The following PTPN5 variants were observed in gnomAD, a reference collection of about 807,000 sequenced individuals.
PTPN5 encodes protein tyrosine phosphatase non-receptor type 5, also known as tyrosine-protein phosphatase non-receptor type 5.
A neutral mutation model predicts 73.9 loss-of-function variants in PTPN5; 29 were observed. That is an observed-to-expected ratio of 0.39 (90% CI 0.29 to 0.54). The LOEUF (loss-of-function observed/expected upper bound fraction) is 0.54, where lower values mean the gene tolerates loss of function less well. Ranked by LOEUF, PTPN5 falls within the 20% of genes least tolerant of loss-of-function variation. The pLI is 0.65. For synonymous variants in PTPN5, 267 were observed against 304.7 expected (o/e 0.88, Z 1.29); for missense variants, 652 against 751.4 (o/e 0.87, Z 1.55).
chr11:18,742,554 C>A lies in PTPN5; in HGVS notation c.484-51G>T, dbSNP rs771510518. On this transcript the variant is annotated intron_variant, in intron 6 of 14. Transcript: ENST00000358540. The surrounding 1 kb of genome is among the most constrained non-coding windows in gnomAD (Gnocchi z 4.1). ...ATTTCGGACCACGCTGGCTGCCCCC[C>A]GTGTTCCTGGAGTGCCCATGGGATT... 1.3e-6 allele frequency: 2 copies of A among 1,598,486 alleles called. No individual in the cohort carries two copies. Among genetic ancestry groups the A allele is most frequent in the Non-Finnish European group, 1.7e-6 (2 of 1,175,188 alleles).
intron 3 of PTPN5, among the ~76,000 whole-genome samples, chr11:18,755,425 T>C (rs916457234): frequency 5.9e-5 from 9 of 152,210 alleles, no homozygotes; most frequent in African/African-American, 2.2e-4. Context: ...TTGGGGGTAA[T>C]TTGTTATGTA....
chr11:18,745,674 TCAG>T (rs1296460346), intron 3 of PTPN5, among the ~76,000 whole-genome samples: 2 of 151,630 alleles, frequency 1.3e-5, no homozygotes, highest in Admixed American at 6.6e-5. Flanking sequence ...ATCATCATCA[TCAG>T]CAGCAGCAGC....
At chr11:18,773,424 T>C (rs1415071539) in intron 1 of PTPN5, among the ~76,000 whole-genome samples, 3 of 151,980 alleles carry the variant, frequency 2.0e-5, no homozygotes, top group Admixed American at 6.6e-5. Context: ...ACTGAGTGCA[T>C]AGAGAGGGCT....
chr11:18,764,170 T>C (rs906550371), intron 3 of PTPN5, among the ~76,000 whole-genome samples: 2 of 152,232 alleles, frequency 1.3e-5, no homozygotes, highest in Non-Finnish European at 2.9e-5. Context: ...ATGCCTCCTG[T>C]GACGGAACAC....
At chr11:18,737,460 G>A (rs540758561) in intron 9 of PTPN5, among the ~76,000 whole-genome samples, 7 of 152,258 alleles carry the variant, frequency 4.6e-5, no homozygotes, top group Non-Finnish European at 8.8e-5. Flanking sequence ...GGATCACAGA[G>A]GCCCAGGTCT....
intron 1 of PTPN5, among the ~76,000 whole-genome samples, chr11:18,772,410 T>G (rs1473324834): frequency 1.3e-5 from 2 of 152,226 alleles, no homozygotes; most frequent in East Asian, 1.9e-4. Flanking sequence ...TCACTGCTAT[T>G]TCCGTCCTGC....
intron 2 of PTPN5, among the ~76,000 whole-genome samples, chr11:18,771,059 G>A (rs932430254): frequency 6.6e-6 from 1 of 152,180 alleles, no homozygotes; most frequent in East Asian, 1.9e-4. Context: ...CAGGGAGCCT[G>A]AGCCTGCTTC....
At chr11:18,777,831 G>C (rs1851230233) in intron 1 of PTPN5, among the ~76,000 whole-genome samples, 1 of 152,112 alleles carries the variant, frequency 6.6e-6, no homozygotes, top group Non-Finnish European at 1.5e-5. Context: ...TGTAGTCCCA[G>C]CTACTCAGCA....
intron 8 of PTPN5, 92 bp downstream of exon 8, chr11:18,740,511 C>T (rs1849312948): frequency 8.4e-7 from 1 of 1,191,016 alleles, no homozygotes; most frequent in Admixed American, 3.0e-5. Context: ...ACTGCAGATG[C>T]TGAGTTCCAG....
chr11:18,729,281 T>C lies in PTPN5; in HGVS notation c.1604+172A>G, dbSNP rs2134180986. On this transcript the variant is annotated intron_variant, in intron 14 of 14. Transcript: ENST00000358540. This position sits in a 1 kb window ranked among gnomAD's most constrained non-coding sequence, Gnocchi z 5.2. Reference sequence around the variant, plus strand: ...CCTCTTCATCTGGCCCCCCACTGTCTGGATCCTGCCCCTCTACCCAGCTGT... The same window carrying C: ...CCTCTTCATCTGGCCCCCCACTGTCCGGATCCTGCCCCTCTACCCAGCTGT... 1.3e-5 allele frequency among the ~76,000 whole-genome samples: 2 copies of C among 152,268 alleles called. No individual in the cohort carries two copies. The highest frequency in any genetic ancestry group is 4.8e-5 in the African/African-American group (2 of 41,556).
intron 3 of PTPN5, among the ~76,000 whole-genome samples, chr11:18,745,233 G>A (rs1258569671): frequency 2.0e-5 from 3 of 152,220 alleles, no homozygotes; most frequent in Non-Finnish European, 4.4e-5. Context: ...GGAAGGGGCT[G>A]TCTACATATC....
chr11:18,741,253 C>T (rs2134218294), intron 7 of PTPN5, among the ~76,000 whole-genome samples: 1 of 152,288 alleles, frequency 6.6e-6, no homozygotes, highest in African/African-American at 2.4e-5. Flanking sequence ...GATGAGGCTG[C>T]TGGTGAGTCA....
At chr11:18,747,404 G>A (rs1214546131) in intron 3 of PTPN5, among the ~76,000 whole-genome samples, 2 of 151,978 alleles carry the variant, frequency 1.3e-5, no homozygotes, top group East Asian at 3.9e-4. Flanking sequence ...GCCTGCCTTG[G>A]CCTCCCAAAG....
At chr11:18,747,071 C>G (rs968063608) in intron 3 of PTPN5, among the ~76,000 whole-genome samples, 7 of 152,024 alleles carry the variant, frequency 4.6e-5, no homozygotes, top group African/African-American at 1.5e-4. Context: ...TAGAATTCAG[C>G]GCTTCTTAGA....
rs532265750 is a variant in PTPN5, at chr11:18,733,506, C to A, written c.1080+50G>T. On this transcript the variant is annotated intron_variant, in intron 10 of 14. Coordinates refer to ENST00000358540, the MANE Select transcript of PTPN5 (RefSeq NM_006906.2). The surrounding 1 kb of genome is among the most constrained non-coding windows in gnomAD (Gnocchi z 4.3). Reference sequence around the variant, plus strand: ...GACAAGGCTGGAGGATGGATCCCATCGACTCAGGCCTCCCCTTGAGCAAGA... The same window carrying A: ...GACAAGGCTGGAGGATGGATCCCATAGACTCAGGCCTCCCCTTGAGCAAGA... 4 of 1,612,504 alleles carry A rather than the reference C, an allele frequency of 2.5e-6. No homozygotes were observed. Among genetic ancestry groups the A allele is most frequent in the South Asian group, 1.1e-5 (1 of 90,960 alleles).
intron 9 of PTPN5, among the ~76,000 whole-genome samples, chr11:18,734,887 CA>C (rs1425254935): frequency 2.6e-5 from 4 of 152,126 alleles, no homozygotes; most frequent in Non-Finnish European, 4.4e-5. Context: ...GAGGCTCTCA[CA>C]GGCAGTATAG....
At position 18,729,630 on chromosome 11, in the gene PTPN5, G is replaced by T; in HGVS notation, c.1490+28C>A. 1 of 1,575,388 alleles carries T rather than the reference G, an allele frequency of 6.3e-7. No homozygotes were observed. ...AGCCCAGCGGGTGGGGGGCTGCCCC[G>T]CTCCAGTGGCTGGCTGGGAGGACCC... On this transcript the variant is annotated intron_variant, in intron 13 of 14. Coordinates refer to ENST00000358540, the MANE Select transcript of PTPN5 (RefSeq NM_006906.2). The surrounding 1 kb of genome is among the most constrained non-coding windows in gnomAD (Gnocchi z 5.2).
chr11:18,733,135 G>A lies in PTPN5; in HGVS notation c.1218+100C>T, dbSNP rs1486245499. ...TCATCTTGGCAGCGGAGTGAACACC[G>A]CCGACCTCTTGAGATTGTCATAAAG... On this transcript the variant is annotated intron_variant, in intron 11 of 14. Coordinates refer to ENST00000358540, the MANE Select transcript of PTPN5 (RefSeq NM_006906.2). This position sits in a 1 kb window ranked among gnomAD's most constrained non-coding sequence, Gnocchi z 4.3. 2.6e-6 allele frequency: 4 copies of A among 1,515,096 alleles called. No homozygotes were observed. The highest frequency in any genetic ancestry group is 3.6e-6 in the Non-Finnish European group (4 of 1,120,706). The allele number at this position is 1,515,096 out of a possible 1,614,324, so 93.9% of individuals were successfully genotyped here.
rs563917010 is a variant in PTPN5 at position 18,733,095 on chromosome 11, G to A, written c.1218+140C>T. On this transcript the variant is annotated intron_variant, in intron 11 of 14. Transcript: ENST00000358540. The surrounding 1 kb of genome is among the most constrained non-coding windows in gnomAD (Gnocchi z 4.3). The stretch of plus-strand genomic sequence containing the variant: ...CCGGGGCAAATGACTTAACCTTACC[G>A]AGCCTCACATCTCCTCATCTTGGCA... 39 of 1,301,746 alleles carry A rather than the reference G, an allele frequency of 3.0e-5. No homozygotes were observed. The African/African-American group carries it at 4.5e-4, about 15-fold the overall frequency. 80.6% of individuals were successfully genotyped at this position (1,301,746 alleles called of 1,614,324 possible). A position where few individuals can be genotyped will look rare whatever the true frequency, so the allele number is the denominator to read the frequency against.
Sources: allele counts gnomAD v4.1 joint callset (sites outside exome capture counted in the v4.1 genomes callset), GRCh38; gene constraint gnomAD v4.1.1; non-coding constraint Gnocchi (gnomAD v3.1); transcripts MANE v1.5; gene names NCBI Gene and HGNC (gene_info 2026-07-23, HGNC 2026-07-21).